Variants in EML5 observed in about 807,000 individuals in gnomAD.
EML5 encodes the protein echinoderm microtubule-associated protein-like 5.
EML5 carries 120 observed loss-of-function variants against 250.0 expected under a neutral mutation model. That is an observed-to-expected ratio of 0.48 (90% CI 0.41 to 0.56). The LOEUF is 0.56. Among genes scored for constraint, EML5 ranks in the 20% least tolerant of loss-of-function variants. The pLI, the probability that EML5 is intolerant of heterozygous loss-of-function variation, is 0.00. For synonymous variants in EML5, 771 were observed against 806.5 expected (o/e 0.96, Z 0.75); for missense variants, 2,006 against 2,437.6 (o/e 0.82, Z 3.73).
Position 88,661,752 on chromosome 14 carries a change from C to G in EML5, c.3577G>C (p.Val1193Leu). The change falls in exon 25 of 44, where the codon GTT becomes CTT. Residue 1193 changes from valine to leucine, a missense_variant. Physicochemically the swap from Val to Leu is conservative, Grantham distance 32. Coordinates refer to ENST00000554922, the MANE Select transcript of EML5 (RefSeq NM_183387.3). ...AGGCAAGAAGCAGTTACATCTGTAA[C>G]TTCTCCAATTACTGGCCAAATTCCT... Reference protein sequence around the residue: ...CEGIWPVIGEVTDVTASCLTS... With the variant: ...CEGIWPVIGELTDVTASCLTS... The G allele has an allele frequency of 6.2e-7, 1 of 1,613,740 alleles. No homozygotes were observed. The highest frequency in any genetic ancestry group is 1.1e-5 in the South Asian group (1 of 91,056).
intron 23 of EML5, 30 bp from the exon 24 acceptor site, chr14:88,663,149 C>T: frequency 7.0e-7 from 1 of 1,420,730 alleles, no homozygotes; most frequent in South Asian, 1.3e-5. Flanking sequence ...AATATTTACA[C>T]ATATAAAATA....
chr14:88,783,632 C>A (rs547742025), intron 1 of EML5, among the ~76,000 whole-genome samples: 1 of 152,102 alleles, frequency 6.6e-6, no homozygotes, highest in Non-Finnish European at 1.5e-5. Flanking sequence ...TAAATATATA[C>A]GCACCCAACA....
chr14:88,650,523 A>C (rs1410377973), intron 27 of EML5, among the ~76,000 whole-genome samples: 1 of 152,224 alleles, frequency 6.6e-6, no homozygotes, highest in Non-Finnish European at 1.5e-5. Context: ...TAAAATTATC[A>C]CTTAGGAAAA....
intron 10 of EML5, among the ~76,000 whole-genome samples, chr14:88,709,342 C>T (rs1450190597): frequency 6.6e-6 from 1 of 150,554 alleles, no homozygotes; most frequent in Non-Finnish European, 1.5e-5. Flanking sequence ...AAGATATTTG[C>T]AAACTATAAA....
intron 20 of EML5, among the ~76,000 whole-genome samples, chr14:88,682,895 AAAGAT>A (rs1189711129): frequency 1.3e-5 from 2 of 152,198 alleles, no homozygotes; most frequent in Non-Finnish European, 2.9e-5. Context: ...TGAGATACTC[AAAGAT>A]AAGGATTCCA....
chr14:88,753,376 G>C (rs1216146420), intron 2 of EML5, among the ~76,000 whole-genome samples: 1 of 152,180 alleles, frequency 6.6e-6, no homozygotes, highest in Admixed American at 6.5e-5. Flanking sequence ...CTATTCCTCA[G>C]AGTAATATAT....
chr14:88,716,946 G>C (rs899080251), intron 8 of EML5, among the ~76,000 whole-genome samples: 1 of 152,186 alleles, frequency 6.6e-6, no homozygotes, highest in African/African-American at 2.4e-5. Flanking sequence ...TCTGAATTAA[G>C]TCTCTGGGAG....
chr14:88,785,441 C>G (rs755995256), intron 1 of EML5, among the ~76,000 whole-genome samples: 2 of 151,970 alleles, frequency 1.3e-5, no homozygotes, highest in Non-Finnish European at 2.9e-5. Context: ...TCTCATGTAC[C>G]CCATAAATAG....
At chr14:88,679,770 A>G in intron 21 of EML5, among the ~76,000 whole-genome samples, 1 of 152,204 alleles carries the variant, frequency 6.6e-6, no homozygotes, top group East Asian at 1.9e-4. Context: ...ATGTCCTTGA[A>G]GCCATCAAAC....
At chr14:88,632,483 T>C (rs559948231) in intron 33 of EML5, among the ~76,000 whole-genome samples, 1 of 152,238 alleles carries the variant, frequency 6.6e-6, no homozygotes, top group Non-Finnish European at 1.5e-5. Context: ...GCATCCTGCA[T>C]GAGATGACCA....
intron 37 of EML5, chr14:88,622,272 T>A: frequency 4.8e-6 from 1 of 207,150 alleles, no homozygotes; most frequent in East Asian, 1.1e-4. Context: ...ATCTAGGGAA[T>A]GTGTGTTTTT....
intron 31 of EML5, among the ~76,000 whole-genome samples, chr14:88,639,991 T>TA (rs1202764606): frequency 6.6e-6 from 1 of 152,144 alleles, no homozygotes; most frequent in African/African-American, 2.4e-5. Flanking sequence ...GGAAAAAAGA[T>TA]AGACTTGTGG....
chr14:88,654,418 T>C (rs1006877488), intron 27 of EML5, among the ~76,000 whole-genome samples: 1 of 152,230 alleles, frequency 6.6e-6, no homozygotes, highest in African/African-American at 2.4e-5. Context: ...GGGCATTTAG[T>C]GCTATACATT....
At chr14:88,690,552 A>G (rs895810912) in intron 17 of EML5, among the ~76,000 whole-genome samples, 1 of 152,228 alleles carries the variant, frequency 6.6e-6, no homozygotes, top group African/African-American at 2.4e-5. Flanking sequence ...AAAAAACTAG[A>G]TTAGACTTTT....
At chr14:88,684,827 G>A (rs1363064695) in intron 20 of EML5, among the ~76,000 whole-genome samples, 188 bp downstream of exon 20, 1 of 151,232 alleles carries the variant, frequency 6.6e-6, no homozygotes, top group Non-Finnish European at 1.5e-5. Context: ...AATTTTTTCT[G>A]TATACATTAA....
rs528148231 is a variant in EML5 at position 88,647,472 on chromosome 14, G to A, written c.4020-517C>T. Among the ~76,000 whole-genome samples the A allele has an allele frequency of 1.7e-3, 261 of 152,118 alleles. 2 individuals carry two copies. Among genetic ancestry groups the A allele is most frequent in the Non-Finnish European group, 2.0e-3 (135 of 67,984 alleles). ...AGCACTTTGAGAGGCCAAAGCAAGA[G>A]GATTGCTTGAGCCTGGGAGTTTGAG... On this transcript the variant is annotated intron_variant, in intron 28 of 43. Transcript: ENST00000554922.
rs376663835 is a variant in EML5 at position 88,621,473 on chromosome 14, A to G, written c.5014-172T>C. The G allele has an allele frequency of 2.6e-5, 17 of 651,150 alleles. No individual in the cohort carries two copies. The South Asian group carries it at 3.0e-4, about 12-fold the overall frequency. 40.3% of individuals were successfully genotyped at this position (651,150 alleles called of 1,614,324 possible). A position where few individuals can be genotyped will look rare whatever the true frequency, so the allele number is the denominator to read the frequency against. On this transcript the variant is annotated intron_variant, in intron 37 of 43. Coordinates refer to ENST00000554922, the MANE Select transcript of EML5 (RefSeq NM_183387.3). ...AATTTTTCTATGACTACAGGCACAC[A>G]TCTATCTGTAAGCACAATGGGCTAG...
chr14:88,620,895 G>A lies in EML5; in HGVS notation c.5234C>T (p.Ala1745Val). Reference sequence around the variant, plus strand: ...AGGGCTGTAACACACAGTACGAGCAGCATGTCCCAAATTCACTTTGTTTAA... The same window carrying A: ...AGGGCTGTAACACACAGTACGAGCAACATGTCCCAAATTCACTTTGTTTAA... The part of the protein sequence containing the change: ...KMLNKVNLGH[A>V]ARTVCYSPEG... Residue 1745 changes from alanine to valine, a missense_variant, in exon 39 of 44, where the codon GCT (alanine) becomes GTT (valine). By Grantham distance (64) the Ala-to-Val change is moderately conservative (BLOSUM62 0). Transcript: ENST00000554922. This position sits in a 1 kb window ranked among gnomAD's most constrained non-coding sequence, Gnocchi z 4.3. The A allele has an allele frequency of 6.5e-7, 1 of 1,527,340 alleles. No individual in the cohort carries two copies. Among genetic ancestry groups the A allele is most frequent in the Non-Finnish European group, 8.7e-7 (1 of 1,143,898 alleles). The allele number at this position is 1,527,340 out of a possible 1,614,324, so 94.6% of individuals were successfully genotyped here.
chr14:88,731,442 C>T (rs2093757002), intron 7 of EML5, among the ~76,000 whole-genome samples: 2 of 152,078 alleles, frequency 1.3e-5, no homozygotes, highest in Non-Finnish European at 2.9e-5. Flanking sequence ...TGTATATGTG[C>T]CACATTTGCT....
Sources: gnomAD v4.1 joint callset for allele counts (sites outside exome capture counted in the v4.1 genomes callset) on GRCh38, gnomAD v4.1.1 for gene constraint, Gnocchi (gnomAD v3.1) non-coding constraint, MANE v1.5 for transcripts, NCBI Gene and HGNC (gene_info 2026-07-23, HGNC 2026-07-21) for gene names.